Variants in APBA2 observed in about 807,000 individuals in gnomAD.
APBA2 encodes amyloid beta precursor protein binding family A member 2, also known as amyloid-beta A4 precursor protein-binding family A member 2.
In APBA2, 30 loss-of-function variants were observed where a neutral mutation model predicts 75.0. The observed-to-expected ratio is 0.40, with a 90% CI of 0.30 to 0.54. The LOEUF (loss-of-function observed/expected upper bound fraction) is 0.54. APBA2 is among the 20% of genes least tolerant of loss of function. The probability of loss-of-function intolerance (pLI) is 0.49; values close to 1 mark genes in which losing one functional copy is unlikely to be tolerated. For missense variants in APBA2, 801 were observed against 1,016.1 expected, an observed-to-expected ratio of 0.79 and a Z score of 2.88; for synonymous variants, 444 against 409.6, an observed-to-expected ratio of 1.08 and a Z score of -1.01.
At chr15:29,047,786 A>G (rs2041409451) in intron 3 of APBA2, among the ~76,000 whole-genome samples, 1 of 152,250 alleles carries the variant, frequency 6.6e-6, no homozygotes, top group African/African-American at 2.4e-5. Context: ...ACTAAAAACT[A>G]TTAGGATTTA....
chr15:28,916,910 T>C (rs2033712629), intron 1 of APBA2, among the ~76,000 whole-genome samples: 1 of 152,186 alleles, frequency 6.6e-6, no homozygotes, highest in African/African-American at 2.4e-5. Flanking sequence ...CTCCTGGAAA[T>C]GGAATTTTTG....
Position 29,093,225 on chromosome 15 carries a change from A to G in APBA2, c.1215+5A>G, listed in dbSNP as rs2043670519. The stretch of plus-strand genomic sequence containing the variant: ...GAGGCCGTCAGCCGGGTCAAGGTAG[A>G]GGTGCTTCGAGGGCCCCTCGCGGAT... On this transcript the variant is annotated splice_donor_5th_base_variant and intron_variant, in intron 7 of 14. Transcript: ENST00000683413. 6.2e-7 allele frequency: 1 copy of G among 1,614,026 alleles called. No individual in the cohort carries two copies. Among genetic ancestry groups the G allele is most frequent in the South Asian group, 1.1e-5 (1 of 91,084 alleles).
rs1382300553 is a variant in APBA2, at chr15:29,113,941, C to T, written c.2103C>T (p.Ile701=). Reference sequence around the variant, plus strand: ...GCGTCCGTGTGGGCCACCGCATCATCGAGATCAACGGGCAGAGCGTGGTGG... The same window carrying T: ...GCGTCCGTGTGGGCCACCGCATCATTGAGATCAACGGGCAGAGCGTGGTGG... ...RGGVRVGHRI[I]EINGQSVVAT... The change falls in exon 14 of 15, where the codon ATC becomes ATT. Residue 701 remains isoleucine (I), a synonymous_variant. Transcript: ENST00000683413. 3.1e-6 allele frequency: 5 copies of T among 1,613,490 alleles called. No homozygotes were observed. The highest frequency in any genetic ancestry group is 1.1e-5 in the South Asian group (1 of 91,094).
intron 12 of APBA2, 66 bp downstream of exon 12, chr15:29,106,885 C>G: frequency 2.0e-6 from 3 of 1,470,500 alleles, no homozygotes; most frequent in South Asian, 1.2e-5. Flanking sequence ...CCCCACTTTG[C>G]TGCAATCCCC....
At chr15:28,931,024 T>C (rs1032959440) in intron 2 of APBA2, among the ~76,000 whole-genome samples, 12 of 152,164 alleles carry the variant, frequency 7.9e-5, no homozygotes, top group African/African-American at 2.7e-4. Flanking sequence ...CCGCAGACAT[T>C]GGGGACTCGG....
intron 4 of APBA2, among the ~76,000 whole-genome samples, chr15:29,072,651 G>C (rs1315602447): frequency 6.6e-6 from 1 of 152,116 alleles, no homozygotes; most frequent in Non-Finnish European, 1.5e-5. Context: ...CCTCTTGTAG[G>C]GGGAAGGATG....
chr15:29,025,007 T>TA (rs1469211444), intron 3 of APBA2, among the ~76,000 whole-genome samples: 6 of 152,194 alleles, frequency 3.9e-5, no homozygotes, highest in African/African-American at 1.4e-4. Flanking sequence ...GCTGAATGAT[T>TA]AAATCCAACC....
intron 2 of APBA2, among the ~76,000 whole-genome samples, chr15:28,938,747 G>C (rs1290525071): frequency 6.6e-6 from 1 of 152,146 alleles, no homozygotes; most frequent in Non-Finnish European, 1.5e-5. Flanking sequence ...GGCCTCAAGT[G>C]ATCTGCCTGC....
intron 1 of APBA2, among the ~76,000 whole-genome samples, chr15:28,913,141 T>C (rs2033509536): frequency 6.6e-6 from 1 of 152,248 alleles, no homozygotes; most frequent in South Asian, 2.1e-4. Context: ...CAAAAACTTC[T>C]GGGCCAAAAG....
At chr15:28,951,341 T>C (rs1246775778) in intron 2 of APBA2, among the ~76,000 whole-genome samples, 1 of 152,198 alleles carries the variant, frequency 6.6e-6, no homozygotes, top group Admixed American at 6.5e-5. Flanking sequence ...AAGAAAACTG[T>C]ACCTCTTTCT....
chr15:29,066,828 T>G (rs1435223986), intron 4 of APBA2, among the ~76,000 whole-genome samples: 1 of 152,228 alleles, frequency 6.6e-6, no homozygotes, highest in Admixed American at 6.5e-5. Context: ...TGAACCCATG[T>G]AGCCATTATC....
chr15:29,076,713 G>T (rs2042868759), intron 6 of APBA2, among the ~76,000 whole-genome samples: 1 of 152,096 alleles, frequency 6.6e-6, no homozygotes, highest in African/African-American at 2.4e-5. Context: ...TTCTGTCTTT[G>T]CCAGGAGGAT....
chr15:28,901,241 G>T (rs1352346915), intron 1 of APBA2, among the ~76,000 whole-genome samples: 3 of 152,208 alleles, frequency 2.0e-5, no homozygotes. Flanking sequence ...CGTGGCCTGA[G>T]GATCTGAAAG....
At chr15:29,073,554 G>A (rs763390299) in intron 4 of APBA2, among the ~76,000 whole-genome samples, 1 of 152,188 alleles carries the variant, frequency 6.6e-6, no homozygotes, top group Non-Finnish European at 1.5e-5. Flanking sequence ...GTTTCACCAT[G>A]TTGGCCAGGC....
chr15:29,003,009 G>C (rs758326185), intron 3 of APBA2, among the ~76,000 whole-genome samples: 34 of 152,274 alleles, frequency 2.2e-4, no homozygotes, highest in Admixed American at 9.2e-4. Flanking sequence ...AGGAAGCAGC[G>C]TGGCTGGTCT....
chr15:29,015,493 C>A (rs2039614130), intron 3 of APBA2, among the ~76,000 whole-genome samples: 1 of 152,134 alleles, frequency 6.6e-6, no homozygotes, highest in South Asian at 2.1e-4. Flanking sequence ...GCCACACTCA[C>A]CAGTTTGGTC....
At chr15:28,900,204 C>T (rs1001091397) in intron 1 of APBA2, among the ~76,000 whole-genome samples, 4 of 152,222 alleles carry the variant, frequency 2.6e-5, no homozygotes, top group African/African-American at 9.6e-5. Flanking sequence ...CGCCTGGACT[C>T]AGGCTTCTTC....
intron 3 of APBA2, among the ~76,000 whole-genome samples, chr15:28,997,441 G>C (rs1462973640): frequency 6.6e-6 from 1 of 152,172 alleles, no homozygotes; most frequent in Non-Finnish European, 1.5e-5. Flanking sequence ...ACATACTTCA[G>C]CCGTAATGAC....
chr15:29,005,076 T>C (rs2152806745), intron 3 of APBA2, among the ~76,000 whole-genome samples: 1 of 152,314 alleles, frequency 6.6e-6, no homozygotes, highest in Admixed American at 6.5e-5. Context: ...CAGTTGCTTC[T>C]GGTCCTCAGG....
Sources: gnomAD v4.1 joint callset for allele counts (sites outside exome capture counted in the v4.1 genomes callset) on GRCh38, gnomAD v4.1.1 for gene constraint, MANE v1.5 for transcripts, NCBI Gene and HGNC (gene_info 2026-07-23, HGNC 2026-07-21) for gene names.